GIMD1: variants seen among roughly 807,000 people sequenced by gnomAD.
The protein encoded by GIMD1 is GTPase IMAP family member GIMD1.
A neutral mutation model predicts 14.9 loss-of-function variants in GIMD1; 14 were observed. The ratio of observed to expected loss-of-function variants is 0.94; its 90% CI spans 0.62 to 1.47. The LOEUF is 1.47. Among genes scored for constraint, GIMD1 ranks in the 40% most tolerant of loss-of-function variants. The probability of loss-of-function intolerance (pLI) is 0.00; values close to 1 mark genes in which losing one functional copy is unlikely to be tolerated. For missense variants in GIMD1, 272 were observed against 255.3 expected, an observed-to-expected ratio of 1.07 and a Z score of -0.44; for synonymous variants, 91 against 90.5, an observed-to-expected ratio of 1.01 and a Z score of -0.03.
At chr4:106,365,334 T>A (rs776105590) in intron 2 of GIMD1, among the ~76,000 whole-genome samples, 2 of 152,160 alleles carry the variant, frequency 1.3e-5, no homozygotes, top group Admixed American at 6.6e-5. Context: ...GAGCATTTTT[T>A]ATGCTCCTGT....
chr4:106,364,104 C>A (rs1481570476), intron 2 of GIMD1, among the ~76,000 whole-genome samples: 1 of 152,072 alleles, frequency 6.6e-6, no homozygotes, highest in Non-Finnish European at 1.5e-5. Context: ...ATATCTCTTT[C>A]ATTTTACTGT....
chr4:106,362,342 T>C (rs1770625201), intron 2 of GIMD1, among the ~76,000 whole-genome samples: 1 of 152,134 alleles, frequency 6.6e-6, no homozygotes, highest in Non-Finnish European at 1.5e-5. Context: ...ATGTTCTCTA[T>C]GGACCCAGAG....
intron 2 of GIMD1, among the ~76,000 whole-genome samples, chr4:106,361,901 G>A (rs1293819060): frequency 6.6e-6 from 1 of 152,090 alleles, no homozygotes; most frequent in African/African-American, 2.4e-5. Context: ...TCGTAACACA[G>A]AATTATTTTC....
At position 106,367,076 on chromosome 4, in the gene GIMD1, C is replaced by CCCA. The variant is rs1479497864; in HGVS notation, c.357_359dup (p.Gly120dup). 2 of 1,532,424 alleles carry CCCA rather than the reference C, an allele frequency of 1.3e-6. No homozygotes were observed. Among genetic ancestry groups the CCCA allele is most frequent in the Non-Finnish European group, 1.7e-6 (2 of 1,145,020 alleles). The allele number at this position is 1,532,424 out of a possible 1,614,324, so 94.9% of individuals were successfully genotyped here. On this transcript the variant is annotated inframe_insertion, in exon 2 of 3. Coordinates refer to ENST00000638719, the MANE Select transcript of GIMD1 (RefSeq NM_001195138.2). ...TCTGGACTGGGTCAGTTACTTCCTG[C>CCCA]CCACAGAAAGGCACATCTGCTCTCT...
chr4:106,362,622 T>A (rs1223072485), intron 2 of GIMD1, among the ~76,000 whole-genome samples: 3 of 152,036 alleles, frequency 2.0e-5, no homozygotes, highest in African/African-American at 2.4e-5. Flanking sequence ...TTGTGGTTGA[T>A]GAAATCATAG....
chr4:106,358,445 T>A lies in GIMD1; in HGVS notation c.394-2A>T. 6.7e-7 allele frequency: 1 copy of A among 1,502,976 alleles called. No individual in the cohort carries two copies. The highest frequency in any genetic ancestry group is 8.8e-7 in the Non-Finnish European group (1 of 1,136,538). 93.1% of individuals were successfully genotyped at this position (1,502,976 alleles called of 1,614,324 possible). ...CATCCAAGCATGTCCAAGAAGTTCC[T>A]GAAAGAGAGAAGTTAGATAACTATT... On this transcript the variant is annotated splice_acceptor_variant, in intron 2 of 2. Coordinates refer to ENST00000638719, the MANE Select transcript of GIMD1 (RefSeq NM_001195138.2). LOFTEE classifies it high-confidence loss of function.
At chr4:106,360,748 G>A (rs932281291) in intron 2 of GIMD1, among the ~76,000 whole-genome samples, 6 of 151,976 alleles carry the variant, frequency 3.9e-5, no homozygotes, top group Non-Finnish European at 8.8e-5. Context: ...CGCAAGTCCC[G>A]GGAGAGTGCC....
intron 2 of GIMD1, among the ~76,000 whole-genome samples, chr4:106,365,871 G>A (rs902739214): frequency 6.3e-5 from 9 of 143,470 alleles, no homozygotes; most frequent in African/African-American, 2.2e-4. Context: ...AGTCTACACA[G>A]GGCTGTGTGG....
chr4:106,358,924 G>A (rs564765742), intron 2 of GIMD1, among the ~76,000 whole-genome samples: 1 of 151,994 alleles, frequency 6.6e-6, no homozygotes, highest in South Asian at 2.1e-4. Flanking sequence ...GATTAATCAG[G>A]TGACATGTAA....
chr4:106,363,421 G>T (rs1770644081), intron 2 of GIMD1, among the ~76,000 whole-genome samples: 1 of 152,054 alleles, frequency 6.6e-6, no homozygotes, highest in Non-Finnish European at 1.5e-5. Flanking sequence ...TAATCTCTAT[G>T]CTATCTTGCC....
At chr4:106,363,144 A>C (rs1770639050) in intron 2 of GIMD1, among the ~76,000 whole-genome samples, 2 of 152,128 alleles carry the variant, frequency 1.3e-5, no homozygotes, top group Admixed American at 6.6e-5. Context: ...ACCAGGATAA[A>C]CCTAAAAAAC....
At chr4:106,362,283 T>C (rs1770624160) in intron 2 of GIMD1, among the ~76,000 whole-genome samples, 1 of 152,106 alleles carries the variant, frequency 6.6e-6, no homozygotes, top group South Asian at 2.1e-4. Flanking sequence ...TAGTTGAATA[T>C]TTGAAAGTAG....
In GIMD1 at chr4:106,363,883, T is replaced by TG. The variant is rs34967487; in HGVS notation, c.393+3159dup. Reference sequence around the variant, plus strand: ...GCAGTAATAATACAGAATACCATAATGGGGGGGGGGGGGCGGAAATGGACC... The same window carrying TG: ...GCAGTAATAATACAGAATACCATAATGGGGGGGGGGGGGGCGGAAATGGACC... On this transcript the variant is annotated intron_variant, in intron 2 of 2. Transcript: ENST00000638719. 9.4e-3 allele frequency among the ~76,000 whole-genome samples: 738 copies of TG among 78,222 alleles called. 11 individuals carry two copies. The highest frequency in any genetic ancestry group is 0.038 in the East Asian group (73 of 1,928). 51.3% of individuals were successfully genotyped at this position (78,222 alleles called of 152,430 possible).
At position 106,357,716 on chromosome 4, in the gene GIMD1, G is replaced by C. The variant is rs1296679867; in HGVS notation, c.*467C>G. ...AATCATGGAGTATGTACTCTTTTAT[G>C]TCTGGCTTATTTTTCAACATTATGT... is the stretch of plus-strand genomic sequence containing the variant. On this transcript the variant is annotated 3_prime_UTR_variant, in exon 3 of 3. Coordinates refer to ENST00000638719, the MANE Select transcript of GIMD1 (RefSeq NM_001195138.2). 1.3e-5 allele frequency: 2 copies of C among 153,656 alleles called. No individual in the cohort carries two copies. Among genetic ancestry groups the C allele is most frequent in the East Asian group, 3.8e-4 (2 of 5,196 alleles). The allele number at this position is 153,656 out of a possible 1,614,324, so 9.5% of individuals were successfully genotyped here.
intron 2 of GIMD1, 37 bp from the exon 3 acceptor site, chr4:106,358,480 C>T: frequency 2.8e-6 from 4 of 1,443,396 alleles, no homozygotes; most frequent in Non-Finnish European, 3.7e-6. Context: ...TGAACTTGAA[C>T]TATATTCCTC....
chr4:106,361,745 A>C (rs969352231), intron 2 of GIMD1, among the ~76,000 whole-genome samples: 1 of 147,456 alleles, frequency 6.8e-6, no homozygotes, highest in African/African-American at 2.5e-5. Context: ...TGTAGATCAT[A>C]CTTGTTATTA....
At position 106,367,285 on chromosome 4, in the gene GIMD1, G is replaced by A. The variant is rs867045299; in HGVS notation, c.151C>T (p.Arg51Cys). The A allele has an allele frequency of 1.2e-5, 18 of 1,535,750 alleles. No homozygotes were observed. The highest frequency in any genetic ancestry group is 1.7e-4 in the Middle Eastern group (1 of 6,012). The stretch of plus-strand genomic sequence containing the variant: ...ATGAAGCTGTGGAGGTGACAACTGC[G>A]GCCCAGGCTACAACATGTGGTCACA... ...CSVTTCCSLGRSCHLHSFMRR... is the reference protein window; with the variant it reads ...CSVTTCCSLGCSCHLHSFMRR... The change falls in exon 2 of 3, where the codon CGC becomes TGC. Residue 51 changes from arginine to cysteine, a missense_variant. Coordinates refer to ENST00000638719, the MANE Select transcript of GIMD1 (RefSeq NM_001195138.2).
rs189805569 is a variant in GIMD1 at position 106,367,228 on chromosome 4, C to T, written c.208G>A (p.Val70Ile). 200 of 1,535,820 alleles carry T rather than the reference C, an allele frequency of 1.3e-4. No individual in the cohort carries two copies. Among genetic ancestry groups the T allele is most frequent in the Middle Eastern group, 1.7e-4 (1 of 5,988 alleles). ...RRGGLEVALQ[V>I]QVLDTPGYPH... ...TAACCTGGAGTGTCCAACACCTGGA[C>T]CTGCAGGGCTACCTCTAGCCCACCT... The change falls in exon 2 of 3, where the codon GTC (valine) becomes ATC (isoleucine). Residue 70 changes from valine (V) to isoleucine (I), a missense_variant. Coordinates refer to ENST00000638719, the MANE Select transcript of GIMD1 (RefSeq NM_001195138.2).
At chr4:106,365,538 A>G (rs1341997911) in intron 2 of GIMD1, among the ~76,000 whole-genome samples, 1 of 152,164 alleles carries the variant, frequency 6.6e-6, no homozygotes, top group Admixed American at 6.6e-5. Flanking sequence ...GGCCTATGTC[A>G]GTATGAGCTG....
Sources: gnomAD v4.1 joint callset for allele counts (sites outside exome capture counted in the v4.1 genomes callset) on GRCh38, gnomAD v4.1.1 for gene constraint, MANE v1.5 for transcripts, NCBI Gene and HGNC (gene_info 2026-07-23, HGNC 2026-07-21) for gene names.